LHX8: variants seen among roughly 807,000 people sequenced by gnomAD.
LHX8 encodes the protein LIM homeobox 8.
In LHX8, 12 loss-of-function variants were observed where a neutral mutation model predicts 40.3. The ratio of observed to expected loss-of-function variants is 0.30; its 90% CI spans 0.19 to 0.48. The LOEUF (loss-of-function observed/expected upper bound fraction) is 0.48, where lower values mean the gene tolerates loss of function less well. Among genes scored for constraint, LHX8 ranks in the 20% least tolerant of loss-of-function variants. The pLI, the probability that LHX8 is intolerant of heterozygous loss-of-function variation, is 0.99. For synonymous variants in LHX8, 179 were observed against 162.0 expected, an observed-to-expected ratio of 1.10 and a Z score of -0.80; for missense variants, 344 against 433.7, an observed-to-expected ratio of 0.79 and a Z score of 1.84.
the LHX8 span, among the ~76,000 whole-genome samples, chr1:75,187,497 T>C: frequency 2.6e-5 from 4 of 152,186 alleles, no homozygotes; most frequent in Non-Finnish European, 5.9e-5. Flanking sequence ...TTGGAAAGGG[T>C]CTTGTGAGGA....
At chr1:75,133,284 G>A (rs1045983596), upstream of LHX8, among the ~76,000 whole-genome samples, 24 of 152,024 alleles carry the variant, frequency 1.6e-4, 1 homozygote, top group Admixed American at 1.3e-3. Context: ...GTGGTAACTC[G>A]GTCCCAGACT....
At chr1:75,133,482 T>C (rs1570281294), upstream of LHX8, among the ~76,000 whole-genome samples, 1 of 152,154 alleles carries the variant, frequency 6.6e-6, no homozygotes, top group East Asian at 1.9e-4. Flanking sequence ...TAAAGCAAAA[T>C]CCTATGATTC....
chr1:75,154,951 G>T (rs978571082), intron 7 of LHX8, among the ~76,000 whole-genome samples: 1 of 152,020 alleles, frequency 6.6e-6, no homozygotes, highest in Non-Finnish European at 1.5e-5. Context: ...GAATGCCAGG[G>T]GCAGGGTGTA....
chr1:75,155,820 TCTTAGGGA>T (rs1173577202), intron 7 of LHX8, among the ~76,000 whole-genome samples: 1 of 152,172 alleles, frequency 6.6e-6, no homozygotes, highest in African/African-American at 2.4e-5. Flanking sequence ...TTAACATGCT[TCTTAGGGA>T]ATAGCCTATG....
At chr1:75,143,740 C>A in intron 5 of LHX8, 105 bp from the exon 6 acceptor site, 1 of 838,796 alleles carries the variant, frequency 1.2e-6, no homozygotes, top group Non-Finnish European at 2.1e-6. Context: ...GTCTAGAAAA[C>A]ATATACAGTT....
chr1:75,164,726 CT>C (rs201120196), downstream of LHX8, among the ~76,000 whole-genome samples: 2,506 of 135,216 alleles, frequency 0.019, 46 homozygotes, highest in African/African-American at 0.054. Context: ...AACCAGTATC[CT>C]TTTTTTTTTT....
intron 7 of LHX8, among the ~76,000 whole-genome samples, chr1:75,152,447 G>A (rs1648636174): frequency 6.6e-6 from 1 of 152,168 alleles, no homozygotes; most frequent in African/African-American, 2.4e-5. Flanking sequence ...CAGAGACAGA[G>A]TAAACTATTG....
At chr1:75,184,110 G>T in the LHX8 span, among the ~76,000 whole-genome samples, 1 of 152,136 alleles carries the variant, frequency 6.6e-6, no homozygotes, top group Non-Finnish European at 1.5e-5. Context: ...CAAAACAGAA[G>T]CACCCAGATT....
At chr1:75,175,291 G>T in the LHX8 span, among the ~76,000 whole-genome samples, 43 of 152,256 alleles carry the variant, frequency 2.8e-4, no homozygotes, top group African/African-American at 1.0e-3. Context: ...TCTTTTTCAT[G>T]TAATGAATTC....
At chr1:75,155,063 C>T (rs1469352764) in intron 7 of LHX8, among the ~76,000 whole-genome samples, 1 of 152,074 alleles carries the variant, frequency 6.6e-6, no homozygotes, top group East Asian at 1.9e-4. Context: ...GCCCTACCAC[C>T]AGCCTTGAAC....
chr1:75,144,433 C>A (rs568155664), intron 6 of LHX8, among the ~76,000 whole-genome samples: 1 of 152,014 alleles, frequency 6.6e-6, no homozygotes, highest in Admixed American at 6.6e-5. Context: ...ATTGAAAGTG[C>A]CTTAAAGTAA....
At chr1:75,130,682 G>T, upstream of LHX8, 2 of 1,610,194 alleles carry the variant, frequency 1.2e-6, no homozygotes, top group Non-Finnish European at 1.7e-6. Flanking sequence ...CCCAAGGTGA[G>T]CCCGTATACA....
the LHX8 span, among the ~76,000 whole-genome samples, chr1:75,174,141 G>A: frequency 6.6e-6 from 1 of 152,144 alleles, no homozygotes; most frequent in Admixed American, 6.5e-5. Flanking sequence ...TGGTGCTAAA[G>A]AGAAATTACT....
At chr1:75,159,296 AC>A (rs1297819265) in intron 8 of LHX8, 1 of 151,800 alleles carries the variant, frequency 6.6e-6, no homozygotes, top group African/African-American at 2.4e-5. Context: ...TTTTTCCTCA[AC>A]TTTTTTCTTT....
chr1:75,158,780 T>C (rs1405308), intron 8 of LHX8, among the ~76,000 whole-genome samples: 143,036 of 152,184 alleles, frequency 0.94, 67,236 homozygotes, highest in East Asian at 0.98. Flanking sequence ...TATGATAATG[T>C]GTTTCTATTT....
At chr1:75,145,261 C>T (rs1398290414) in intron 6 of LHX8, among the ~76,000 whole-genome samples, 1 of 152,010 alleles carries the variant, frequency 6.6e-6, no homozygotes, top group Non-Finnish European at 1.5e-5. Flanking sequence ...TCTGAAAGAC[C>T]TGGAAAAATA....
upstream of LHX8, chr1:75,130,467 GGTGTCCCGC>G (rs1338250433): frequency 8.6e-6 from 5 of 579,976 alleles, no homozygotes; most frequent in Admixed American, 6.0e-5. Flanking sequence ...TGGATTCCCG[GGTGTCCCGC>G]GTGGAGCAGG....
chr1:75,156,129 G>A (rs1648757461), intron 7 of LHX8, among the ~76,000 whole-genome samples: 1 of 152,080 alleles, frequency 6.6e-6, no homozygotes, highest in Non-Finnish European at 1.5e-5. Flanking sequence ...TTCTGGGGAA[G>A]ATGCTGTTTT....
downstream of LHX8, among the ~76,000 whole-genome samples, chr1:75,163,182 G>T (rs955051468): frequency 6.6e-6 from 1 of 152,040 alleles, no homozygotes; most frequent in Admixed American, 6.6e-5. Flanking sequence ...CACATCACTC[G>T]TTGTAAATTA....
Sources: allele counts gnomAD v4.1 joint callset (sites outside exome capture counted in the v4.1 genomes callset), GRCh38; gene constraint gnomAD v4.1.1; transcripts MANE v1.5; gene names NCBI Gene and HGNC (gene_info 2026-07-23, HGNC 2026-07-21).